ADGRL3: variants seen among roughly 807,000 people sequenced by gnomAD.
The protein encoded by ADGRL3 is calcium-independent alpha-latrotoxin receptor 3.
A neutral mutation model predicts 153.5 loss-of-function variants in ADGRL3; 62 were observed. The observed-to-expected ratio is 0.40, with a 90% confidence interval of 0.33 to 0.50. The LOEUF is 0.50. Ranked by LOEUF, ADGRL3 falls within the 20% of genes least tolerant of loss-of-function variation. The pLI is 0.47. For missense variants in ADGRL3, 1,641 were observed against 1,859.4 expected, an observed-to-expected ratio of 0.88 and a Z score of 2.16; for synonymous variants, 710 against 672.5, an observed-to-expected ratio of 1.06 and a Z score of -0.86.
At chr4:61,743,324 C>CAAA (rs752363213) in intron 8 of ADGRL3, among the ~76,000 whole-genome samples, 6 of 50,806 alleles carry the variant, frequency 1.2e-4, no homozygotes, top group South Asian at 9.8e-4. Context: ...GACTCCATCT[C>CAAA]AAAAAAAAAA....
At chr4:61,490,796 G>A (rs987993755) in intron 2 of ADGRL3, among the ~76,000 whole-genome samples, 5 of 151,766 alleles carry the variant, frequency 3.3e-5, no homozygotes, top group Admixed American at 6.6e-5. Context: ...TATGAATAAT[G>A]GGAGGACCCA....
chr4:61,409,381 TTA>T (rs557899698), intron 2 of ADGRL3, among the ~76,000 whole-genome samples: 6,438 of 123,846 alleles, frequency 0.052, 216 homozygotes, highest in Non-Finnish European at 0.075. Flanking sequence ...AAGACATATA[TTA>T]TATATATATT....
intron 4 of ADGRL3, among the ~76,000 whole-genome samples, chr4:61,550,526 ACAT>A (rs1332215128): frequency 6.6e-6 from 1 of 152,038 alleles, no homozygotes; most frequent in African/African-American, 2.4e-5. Context: ...TTATGGCAAA[ACAT>A]ATTATTTCTA....
At chr4:61,693,086 A>G (rs546851813) in intron 6 of ADGRL3, among the ~76,000 whole-genome samples, 3 of 152,160 alleles carry the variant, frequency 2.0e-5, no homozygotes, top group Admixed American at 1.3e-4. Context: ...AAAACAACTT[A>G]AAGATAAGAA....
intron 1 of ADGRL3, among the ~76,000 whole-genome samples, chr4:61,268,480 A>G (rs1268392678): frequency 1.3e-5 from 2 of 151,630 alleles, no homozygotes; most frequent in Non-Finnish European, 1.5e-5. Flanking sequence ...ATAAAGTTGT[A>G]TAAGAATTTC....
intron 6 of ADGRL3, among the ~76,000 whole-genome samples, chr4:61,699,205 G>A (rs1424725512): frequency 6.6e-6 from 1 of 152,086 alleles, no homozygotes; most frequent in African/African-American, 2.4e-5. Flanking sequence ...CTCCAAAAGT[G>A]ATTTTGAGAG....
At chr4:61,777,814 G>T (rs986783837) in intron 8 of ADGRL3, among the ~76,000 whole-genome samples, 3 of 151,970 alleles carry the variant, frequency 2.0e-5, no homozygotes, top group Non-Finnish European at 4.4e-5. Context: ...TAAAAGTTTT[G>T]AGTATCGCTA....
chr4:61,286,738 G>GA (rs1485556236), intron 1 of ADGRL3, among the ~76,000 whole-genome samples: 1 of 151,244 alleles, frequency 6.6e-6, no homozygotes, highest in South Asian at 2.1e-4. Flanking sequence ...TTGATATTTT[G>GA]AAAAAACAGT....
At chr4:61,330,309 A>T (rs1312035219) in intron 1 of ADGRL3, among the ~76,000 whole-genome samples, 1 of 152,162 alleles carries the variant, frequency 6.6e-6, no homozygotes, top group Non-Finnish European at 1.5e-5. Context: ...AGCCAAGAAG[A>T]TAGCCCTCAG....
chr4:61,219,549 T>C (rs1387937967), intron 1 of ADGRL3, among the ~76,000 whole-genome samples: 3 of 152,218 alleles, frequency 2.0e-5, no homozygotes, highest in African/African-American at 7.2e-5. Flanking sequence ...CCTGTTTCGA[T>C]GATACCTGAA....
chr4:61,261,186 CTTCTTTTTT>C (rs1369193469), intron 1 of ADGRL3, among the ~76,000 whole-genome samples: 34 of 89,390 alleles, frequency 3.8e-4, no homozygotes, highest in African/African-American at 9.3e-4. Context: ...TTTTCATCTT[CTTCTTTTTT>C]TTTTTTTTTT....
intron 9 of ADGRL3, among the ~76,000 whole-genome samples, chr4:61,868,845 G>A (rs1428237760): frequency 2.0e-5 from 3 of 152,066 alleles, no homozygotes; most frequent in Non-Finnish European, 4.4e-5. Context: ...TTCAGACTCT[G>A]CTTTTGCAAC....
At chr4:61,464,854 G>T (rs1428105630) in intron 2 of ADGRL3, among the ~76,000 whole-genome samples, 3 of 152,126 alleles carry the variant, frequency 2.0e-5, no homozygotes, top group Non-Finnish European at 2.9e-5. Flanking sequence ...CAGTCAATGG[G>T]TTGTATTTAG....
chr4:61,792,464 C>T (rs957582179), intron 8 of ADGRL3, among the ~76,000 whole-genome samples: 3 of 149,234 alleles, frequency 2.0e-5, no homozygotes, highest in Non-Finnish European at 4.4e-5. Flanking sequence ...CAAACTTTTC[C>T]TTTATTTATT....
At chr4:61,860,997 G>A (rs1466677214) in intron 9 of ADGRL3, among the ~76,000 whole-genome samples, 1 of 152,104 alleles carries the variant, frequency 6.6e-6, no homozygotes, top group African/African-American at 2.4e-5. Context: ...TCATCATTTT[G>A]TGTCAAACTG....
intron 24 of ADGRL3, among the ~76,000 whole-genome samples, chr4:62,043,816 T>C: frequency 6.6e-6 from 1 of 152,026 alleles, no homozygotes; most frequent in East Asian, 1.9e-4. Context: ...AATTTGAGAA[T>C]TTTTAGTTAC....
chr4:61,423,959 G>GGTGAATGT (rs1560608042), intron 2 of ADGRL3, among the ~76,000 whole-genome samples: 3 of 152,028 alleles, frequency 2.0e-5, no homozygotes, highest in Non-Finnish European at 4.4e-5. Flanking sequence ...GGCCAATAAG[G>GGTGAATGT]GTGAATGTTA....
chr4:61,780,743 T>C (rs930144348), intron 8 of ADGRL3, among the ~76,000 whole-genome samples: 1 of 152,176 alleles, frequency 6.6e-6, no homozygotes, highest in Non-Finnish European at 1.5e-5. Context: ...GTTAATTTAT[T>C]CTGCCTCTTC....
intron 6 of ADGRL3, among the ~76,000 whole-genome samples, chr4:61,696,254 A>T (rs1053054304): frequency 6.6e-6 from 1 of 152,164 alleles, no homozygotes; most frequent in Non-Finnish European, 1.5e-5. Flanking sequence ...CTGAATCTGC[A>T]TATGACTTAA....
Sources: gnomAD v4.1 joint callset for allele counts (sites outside exome capture counted in the v4.1 genomes callset) on GRCh38, gnomAD v4.1.1 for gene constraint, MANE v1.5 for transcripts, NCBI Gene and HGNC (gene_info 2026-07-23, HGNC 2026-07-21) for gene names.